Variants in UGT1A4 observed in about 807,000 individuals in gnomAD.
UGT1A4 encodes the protein UDP-glucuronosyltransferase 1A4.
A neutral mutation model predicts 41.1 loss-of-function variants in UGT1A4; 32 were observed. That is an observed-to-expected ratio of 0.78 (90% confidence interval 0.59 to 1.05). UGT1A4 has a LOEUF of 1.05. Among genes scored for constraint, UGT1A4 ranks in the 50% least tolerant of loss-of-function variants. The pLI is 0.00. For missense variants in UGT1A4, 748 were observed against 677.4 expected, an observed-to-expected ratio of 1.10 and a Z score of -1.16; for synonymous variants, 283 against 265.1, an observed-to-expected ratio of 1.07 and a Z score of -0.66.
chr2:233,748,690 T>C (rs1289414709), intron 1 of UGT1A4, among the ~76,000 whole-genome samples: 4 of 151,634 alleles, frequency 2.6e-5, no homozygotes, highest in Non-Finnish European at 5.9e-5. Context: ...ACAAAAGATT[T>C]TTCTGGTCAG....
intron 1 of UGT1A4, among the ~76,000 whole-genome samples, chr2:233,724,368 T>C (rs1161929215): frequency 2.1e-4 from 26 of 126,786 alleles, no homozygotes; most frequent in South Asian, 9.2e-4. Context: ...CCGGACGGGG[T>C]GGCTGCCGGG....
chr2:233,749,993 A>G (rs1274473533), intron 1 of UGT1A4, among the ~76,000 whole-genome samples: 2 of 151,856 alleles, frequency 1.3e-5, no homozygotes, highest in African/African-American at 4.9e-5. Context: ...GGACTAATAT[A>G]TTAAATTGGT....
At position 233,772,370 on chromosome 2, in the gene UGT1A4, G is replaced by A. The variant is rs587784537; in HGVS notation, c.1416G>A (p.Ala472=). The A allele has an allele frequency of 2.5e-6, 4 of 1,614,248 alleles. No homozygotes were observed. The highest frequency in any genetic ancestry group is 1.6e-4 in the Middle Eastern group (1 of 6,062). ...WVEFVMRHKG[A]PHLRPAAHDL... The stretch of plus-strand genomic sequence containing the variant: ...AGTTTGTGATGAGGCACAAGGGCGC[G>A]CCACACCTGCGCCCCGCAGCCCACG... Residue 472 remains alanine, a synonymous_variant, in exon 5 of 5, where the codon GCG becomes GCA. Transcript: ENST00000373409.
chr2:233,724,233 G>C (rs1323099966), intron 1 of UGT1A4, among the ~76,000 whole-genome samples: 2 of 126,058 alleles, frequency 1.6e-5, no homozygotes, highest in Non-Finnish European at 3.4e-5. Flanking sequence ...CAGTAGGGGC[G>C]GCCGGGCAGA....
At chr2:233,768,767 A>G (rs1699720630) in intron 4 of UGT1A4, among the ~76,000 whole-genome samples, 1 of 151,722 alleles carries the variant, frequency 6.6e-6, no homozygotes, top group South Asian at 2.1e-4. Context: ...ATTTTTTAGT[A>G]GAGAAAGGGT....
chr2:233,757,312 G>A (rs1288195448), intron 1 of UGT1A4, among the ~76,000 whole-genome samples: 1 of 141,206 alleles, frequency 7.1e-6, no homozygotes, highest in Non-Finnish European at 1.5e-5. Context: ...GGACAGGGGG[G>A]CTGGGGCCCT....
At chr2:233,743,198 T>G (rs1692227128) in intron 1 of UGT1A4, 1 of 382,180 alleles carries the variant, frequency 2.6e-6, no homozygotes, top group African/African-American at 2.1e-5. Flanking sequence ...TTACTTGGTG[T>G]CAATGCGGAG....
intron 1 of UGT1A4, among the ~76,000 whole-genome samples, chr2:233,745,719 G>A (rs946550839): frequency 2.7e-5 from 4 of 150,636 alleles, no homozygotes; most frequent in African/African-American, 5.0e-5. Flanking sequence ...CAGAATGGCT[G>A]GAGGGTAAGA....
In UGT1A4 at chr2:233,763,074, C is replaced by T. The variant is rs112277298; in HGVS notation, c.868-3960C>T. On this transcript the variant is annotated intron_variant, in intron 1 of 4. Coordinates refer to ENST00000373409, the MANE Select transcript of UGT1A4 (RefSeq NM_007120.3). ...TTGATTTAGATAATTTCCTTCTTTGCGTGAGGATGTTTGTAGGAGAGGCAC... is the reference window on the plus strand; with the variant it reads ...TTGATTTAGATAATTTCCTTCTTTGTGTGAGGATGTTTGTAGGAGAGGCAC... Among the ~76,000 whole-genome samples, 590 of 152,258 alleles carry T rather than the reference C, an allele frequency of 3.9e-3. 2 individuals are homozygous for T. Among genetic ancestry groups the T allele is most frequent in the Admixed American group, 5.9e-3 (90 of 15,292 alleles).
At chr2:233,759,467 C>T (rs1000519909) in intron 1 of UGT1A4, among the ~76,000 whole-genome samples, 1 of 152,186 alleles carries the variant, frequency 6.6e-6, no homozygotes, top group Non-Finnish European at 1.5e-5. Flanking sequence ...CACTCAAGAT[C>T]TATCTTACAG....
chr2:233,754,665 AT>A (rs752229414), intron 1 of UGT1A4: 3 of 465,408 alleles, frequency 6.4e-6, no homozygotes, highest in South Asian at 1.5e-5. Flanking sequence ...CTTGGTGGTG[AT>A]TTTTTTACCA....
At chr2:233,753,801 T>C (rs1243795738) in intron 1 of UGT1A4, 1 of 152,208 alleles carries the variant, frequency 6.6e-6, no homozygotes, top group Admixed American at 6.5e-5. Context: ...GGACCTACCA[T>C]AGTTGGAGAA....
chr2:233,760,501 G>T, intron 1 of UGT1A4: 2 of 1,614,238 alleles, frequency 1.2e-6, no homozygotes, highest in East Asian at 2.2e-5. Context: ...CAGAGACGGA[G>T]CATTTTACAC....
intron 1 of UGT1A4, chr2:233,740,779 T>C (rs1209368922): frequency 1.3e-5 from 2 of 151,852 alleles, no homozygotes; most frequent in African/African-American, 4.9e-5. Flanking sequence ...GTATAAAAGA[T>C]GAATACCCAC....
chr2:233,772,135 A>C (rs1281309979), intron 4 of UGT1A4, 127 bp from the exon 5 acceptor site: 4 of 1,546,748 alleles, frequency 2.6e-6, no homozygotes, highest in Non-Finnish European at 3.5e-6. Context: ...CAACAACAAT[A>C]ATAGAAACAG....
intron 1 of UGT1A4, 98 bp from the exon 2 acceptor site, chr2:233,766,936 A>G: frequency 1.1e-5 from 18 of 1,586,086 alleles, no homozygotes; most frequent in Non-Finnish European, 1.5e-5. Context: ...GCCTTTAATC[A>G]TAGTCTTAAG....
Position 233,760,634 on chromosome 2 carries a change from T to TA in UGT1A4, c.868-6394dup, listed in dbSNP as rs748219743. On this transcript the variant is annotated intron_variant, in intron 1 of 4. Coordinates refer to ENST00000373409, the MANE Select transcript of UGT1A4 (RefSeq NM_007120.3). ...CGTGTGATCAAAACATACAAGAAAA[T>TA]AAAAAAGGACTCTGCTATGCTTTTG... 6.2e-6 allele frequency: 10 copies of TA among 1,614,070 alleles called. No homozygotes were observed. In the South Asian group the frequency reaches 8.8e-5, roughly 14 times the overall value.
chr2:233,753,155 C>T (rs1695142736), intron 1 of UGT1A4: 2 of 152,204 alleles, frequency 1.3e-5, no homozygotes, highest in Admixed American at 6.5e-5. Flanking sequence ...TGTAAGTTCC[C>T]TTATCCGGAT....
chr2:233,742,026 T>C (rs1691848344), intron 1 of UGT1A4: 1 of 151,940 alleles, frequency 6.6e-6, no homozygotes, highest in South Asian at 2.1e-4. Flanking sequence ...CCTAATTTGA[T>C]ATGTCCCAAG....
Sources: allele counts gnomAD v4.1 joint callset (sites outside exome capture counted in the v4.1 genomes callset), GRCh38; gene constraint gnomAD v4.1.1; transcripts MANE v1.5; gene names NCBI Gene and HGNC (gene_info 2026-07-23, HGNC 2026-07-21).